EPB41L2: variants seen among roughly 807,000 people sequenced by gnomAD.
EPB41L2 encodes band 4.1-like protein 2.
A neutral mutation model predicts 113.0 loss-of-function variants in EPB41L2; 43 were observed. That is an observed-to-expected ratio of 0.38 (90% confidence interval 0.30 to 0.49). The LOEUF is 0.49. Among genes scored for constraint, EPB41L2 ranks in the 20% least tolerant of loss-of-function variants. The probability of loss-of-function intolerance (pLI) is 0.95; values close to 1 mark genes in which losing one functional copy is unlikely to be tolerated. For synonymous variants in EPB41L2, 442 were observed against 436.7 expected (o/e 1.01, Z -0.15); for missense variants, 1,147 against 1,223.4 (o/e 0.94, Z 0.93).
At chr6:130,892,046 A>G (rs1377876830) in intron 10 of EPB41L2, among the ~76,000 whole-genome samples, 2 of 152,198 alleles carry the variant, frequency 1.3e-5, no homozygotes, top group East Asian at 3.8e-4. Context: ...TAACCATTAT[A>G]TCAAAAGTTT....
rs1562438245 is a variant in EPB41L2, at chr6:130,901,100, C to G, written c.1010G>C (p.Gly337Ala). The change falls in exon 7 of 20, where the codon GGA becomes GCA. Residue 337 changes from glycine (G) to alanine (A), a missense_variant. Transcript: ENST00000337057. ...PCSFVTHALLGSYTLQAELGD... is the reference protein window; with the variant it reads ...PCSFVTHALLASYTLQAELGD... ...AAGTTCAGCCTGCAGGGTGTAGGAT[C>G]CCAGGAGAGCATGAGTCACAAAAGA... The G allele has an allele frequency of 2.5e-6, 4 of 1,614,004 alleles. No individual in the cohort carries two copies. The highest frequency in any genetic ancestry group is 3.4e-6 in the Non-Finnish European group (4 of 1,179,972).
At chr6:130,993,936 T>C (rs1016845639) in intron 1 of EPB41L2, among the ~76,000 whole-genome samples, 3 of 152,156 alleles carry the variant, frequency 2.0e-5, no homozygotes, top group African/African-American at 7.2e-5. Flanking sequence ...AGGTTAAAAA[T>C]AGGCAGTATA....
chr6:130,910,946 C>T (rs1799198115), intron 4 of EPB41L2, among the ~76,000 whole-genome samples: 2 of 152,286 alleles, frequency 1.3e-5, no homozygotes, highest in South Asian at 4.2e-4. Context: ...ATTAGTTCAA[C>T]CATTGTGGAA....
intron 1 of EPB41L2, chr6:131,013,500 C>T (rs1354955425): frequency 6.6e-6 from 1 of 152,074 alleles, no homozygotes; most frequent in Admixed American, 6.6e-5. Flanking sequence ...TAAAAATTCA[C>T]TTTATAAAAG....
intron 1 of EPB41L2, among the ~76,000 whole-genome samples, chr6:130,988,438 G>T (rs2128690501): frequency 6.6e-6 from 1 of 152,264 alleles, no homozygotes; most frequent in South Asian, 2.1e-4. Flanking sequence ...CCTATCATTT[G>T]CTACTAGTAT....
chr6:130,841,973 T>C (rs1370781592), intron 19 of EPB41L2, among the ~76,000 whole-genome samples: 1 of 152,206 alleles, frequency 6.6e-6, no homozygotes, highest in Non-Finnish European at 1.5e-5. Flanking sequence ...AAGGTGGCAA[T>C]TGTTTCATTT....
At chr6:130,952,314 A>G (rs747952137) in intron 3 of EPB41L2, among the ~76,000 whole-genome samples, 4 of 151,044 alleles carry the variant, frequency 2.6e-5, no homozygotes, top group Non-Finnish European at 4.4e-5. Context: ...ATCTACCCTG[A>G]AGAAACTCTT....
chr6:130,993,355 T>C (rs920458962), intron 1 of EPB41L2, among the ~76,000 whole-genome samples: 4 of 152,136 alleles, frequency 2.6e-5, no homozygotes, highest in Admixed American at 1.3e-4. Context: ...AAACCCAACA[T>C]ATATTTCTAA....
At chr6:130,951,232 G>T (rs1814827042) in intron 3 of EPB41L2, among the ~76,000 whole-genome samples, 1 of 136,322 alleles carries the variant, frequency 7.3e-6, no homozygotes, top group Non-Finnish European at 1.6e-5. Flanking sequence ...ACTCCAGCTT[G>T]GGTGACAGAG....
chr6:130,908,316 C>T (rs2128509508), intron 5 of EPB41L2, among the ~76,000 whole-genome samples: 1 of 152,258 alleles, frequency 6.6e-6, no homozygotes, highest in East Asian at 1.9e-4. Context: ...GATTGTAGAA[C>T]CAATGAGCAG....
chr6:130,843,263 C>T (rs1041913207), intron 19 of EPB41L2, among the ~76,000 whole-genome samples: 2 of 152,280 alleles, frequency 1.3e-5, no homozygotes, highest in Admixed American at 6.5e-5. Context: ...AAATACTGTA[C>T]TTTTCTGTCC....
rs186097364 is a variant in EPB41L2, at chr6:130,931,682, C to A, written c.706-4973G>T. 1.7e-3 allele frequency among the ~76,000 whole-genome samples: 256 copies of A among 152,148 alleles called. 2 individuals are homozygous for A. Among genetic ancestry groups the A allele is most frequent in the Non-Finnish European group, 3.8e-4 (26 of 68,016 alleles). The stretch of plus-strand genomic sequence containing the variant: ...ACAACACATTCCATAAATAATAATT[C>A]TCTTTGGGGTGGGGGTGAAGAACCA... On this transcript the variant is annotated intron_variant, in intron 3 of 19. Transcript: ENST00000337057.
chr6:131,036,607 G>C (rs1793363606), intron 1 of EPB41L2, among the ~76,000 whole-genome samples: 1 of 152,106 alleles, frequency 6.6e-6, no homozygotes, highest in African/African-American at 2.4e-5. Context: ...AGAAGCATTA[G>C]CTTAGAAAAG....
At chr6:131,060,253 C>T (rs1279966308) in intron 1 of EPB41L2, among the ~76,000 whole-genome samples, 2 of 152,336 alleles carry the variant, frequency 1.3e-5, no homozygotes, top group South Asian at 4.1e-4. Flanking sequence ...AATATAAACC[C>T]TATATTCCTA....
At chr6:130,892,920 C>T (rs1341592692) in intron 10 of EPB41L2, among the ~76,000 whole-genome samples, 2 of 151,966 alleles carry the variant, frequency 1.3e-5, no homozygotes, top group East Asian at 1.9e-4. Context: ...TGACACAGCT[C>T]GTATTTGGTA....
At chr6:130,872,562 G>A (rs1461374211) in intron 14 of EPB41L2, 1 of 1,285,278 alleles carries the variant, frequency 7.8e-7, no homozygotes, top group Non-Finnish European at 1.0e-6. Context: ...AAAAGGAAGA[G>A]CAAAGAATTA....
intron 18 of EPB41L2, among the ~76,000 whole-genome samples, chr6:130,858,830 A>G (rs998134064): frequency 2.0e-5 from 3 of 152,276 alleles, no homozygotes; most frequent in African/African-American, 7.2e-5. Flanking sequence ...ACACAGAACT[A>G]AAGAGCAGTA....
intron 1 of EPB41L2, among the ~76,000 whole-genome samples, chr6:131,045,140 T>C (rs914988741): frequency 1.7e-4 from 26 of 152,140 alleles, no homozygotes; most frequent in African/African-American, 6.0e-4. Flanking sequence ...GTTCTTCAGG[T>C]GCTATAGTTT....
intron 1 of EPB41L2, among the ~76,000 whole-genome samples, chr6:130,958,035 C>T (rs1327813867): frequency 1.3e-5 from 2 of 152,136 alleles, no homozygotes; most frequent in Admixed American, 1.3e-4. Flanking sequence ...GTCAATTCAC[C>T]TATATAATGG....
Sources: allele counts gnomAD v4.1 joint callset (sites outside exome capture counted in the v4.1 genomes callset), GRCh38; gene constraint gnomAD v4.1.1; transcripts MANE v1.5; gene names NCBI Gene and HGNC (gene_info 2026-07-23, HGNC 2026-07-21).